Variants in SEMA4F observed in about 807,000 individuals in gnomAD.
SEMA4F encodes the protein semaphorin-4F.
SEMA4F carries 51 observed loss-of-function variants against 78.4 expected under a neutral mutation model. That is an observed-to-expected ratio of 0.65 (90% confidence interval 0.52 to 0.82). The LOEUF is 0.82. Ranked by LOEUF, SEMA4F falls within the 40% of genes least tolerant of loss-of-function variation. The probability of loss-of-function intolerance (pLI) is 0.00; values close to 1 mark genes in which losing one functional copy is unlikely to be tolerated. For synonymous variants in SEMA4F, 418 were observed against 408.7 expected (o/e 1.02, Z -0.27); for missense variants, 938 against 1,014.4 (o/e 0.92, Z 1.02).
intron 5 of SEMA4F, among the ~76,000 whole-genome samples, chr2:74,672,003 G>A (rs1332558875): frequency 6.6e-6 from 1 of 152,166 alleles, no homozygotes; most frequent in South Asian, 2.1e-4. Context: ...TGCCTGGACT[G>A]TATGAATAGC....
chr2:74,675,981 A>G, intron 12 of SEMA4F, 72 bp downstream of exon 12: 1 of 1,495,460 alleles, frequency 6.7e-7, no homozygotes, highest in Non-Finnish European at 9.0e-7. Context: ...TACGTTTCTC[A>G]TCTGTTAATG....
the SEMA4F span, among the ~76,000 whole-genome samples, chr2:74,696,185 CTTTTTTTTTTT>C: frequency 9.2e-6 from 1 of 109,016 alleles, no homozygotes; most frequent in Admixed American, 9.7e-5. Context: ...TCTCCTGCCT[CTTTTTTTTTTT>C]TTTTTTTTTT....
chr2:74,675,204 C>T lies in SEMA4F; in HGVS notation c.1192C>T (p.Leu398Phe), dbSNP rs763943914. ...GAAGCTCCGGCACTTTGGCTCATCT[C>T]TCTCCCTGCCTGACCGCGTACTCAC... Reference protein sequence around the residue: ...NMKLRHFGSSLSLPDRVLTFI... With the variant: ...NMKLRHFGSSFSLPDRVLTFI... Residue 398 changes from leucine (L) to phenylalanine (F), a missense_variant, in exon 10 of 14, where the codon CTC (leucine) becomes TTC (phenylalanine). Coordinates refer to ENST00000357877, the MANE Select transcript of SEMA4F (RefSeq NM_004263.5). The T allele has an allele frequency of 1.2e-6, 2 of 1,614,208 alleles. No individual in the cohort carries two copies. Among genetic ancestry groups the T allele is most frequent in the East Asian group, 2.2e-5 (1 of 44,882 alleles).
At chr2:74,656,815 T>G in intron 2 of SEMA4F, 130 bp downstream of exon 2, 2 of 859,108 alleles carry the variant, frequency 2.3e-6, no homozygotes, top group South Asian at 1.7e-5. Context: ...GGGGGTGAGT[T>G]GGGAGACATG....
Position 74,675,653 on chromosome 2 carries a change from A to C in SEMA4F, c.1482+19A>C, listed in dbSNP as rs369147810. The C allele has an allele frequency of 1.9e-6, 3 of 1,613,148 alleles. No individual in the cohort carries two copies. The African/African-American group carries it at 4.0e-5, about 22-fold the overall frequency. ...GTACCACGTGAGTTGTAGATTTTGG[A>C]GAGTCTATTGGGGAGACATCTGAGT... On this transcript the variant is annotated intron_variant, in intron 11 of 13. Coordinates refer to ENST00000357877, the MANE Select transcript of SEMA4F (RefSeq NM_004263.5).
At position 74,671,003 on chromosome 2, in the gene SEMA4F, T is replaced by C. The variant is rs115159853; in HGVS notation, c.551-2454T>C. 3.2e-3 allele frequency among the ~76,000 whole-genome samples: 444 copies of C among 138,058 alleles called. 4 individuals are homozygous for C. The highest frequency in any genetic ancestry group is 0.015 in the African/African-American group (427 of 28,390). The allele number at this position is 138,058 out of a possible 152,430, so 90.6% of individuals were successfully genotyped here. ...CCTTAGCTAGGTCTCTTTGTTTATC[T>C]TATTTAACCCTTAGCACTATTCTGA... On this transcript the variant is annotated intron_variant, in intron 5 of 13. Transcript: ENST00000357877.
intron 4 of SEMA4F, among the ~76,000 whole-genome samples, chr2:74,660,430 C>G (rs1487502730): frequency 1.3e-5 from 2 of 152,206 alleles, no homozygotes; most frequent in Admixed American, 1.3e-4. Flanking sequence ...TGGGAAAGGT[C>G]CTTCCTATGC....
At chr2:74,661,840 C>T (rs896421154) in intron 4 of SEMA4F, among the ~76,000 whole-genome samples, 3 of 152,188 alleles carry the variant, frequency 2.0e-5, no homozygotes, top group African/African-American at 4.8e-5. Context: ...TCCAATGACA[C>T]CATATGCCCA....
chr2:74,704,692 C>T, the SEMA4F span, among the ~76,000 whole-genome samples: 6 of 152,058 alleles, frequency 3.9e-5, no homozygotes, highest in Non-Finnish European at 7.4e-5. Context: ...CCTACCAATG[C>T]GGGCTGGATT....
In SEMA4F at chr2:74,658,287, A is replaced by G. The variant is rs1272618652; in HGVS notation, c.456+336A>G. ...GAGAGACTTCAGAAACCAGAAACTC[A>G]TGTTTCCCTTGCCCTGTGTATGCTT... On this transcript the variant is annotated intron_variant, in intron 4 of 13. Transcript: ENST00000357877. The surrounding 1 kb of genome is among the most constrained non-coding windows in gnomAD (Gnocchi z 4.3). Among the ~76,000 whole-genome samples the G allele has an allele frequency of 1.3e-5, 2 of 152,184 alleles. No homozygotes were observed. The highest frequency in any genetic ancestry group is 2.1e-4 in the South Asian group (1 of 4,832).
chr2:74,654,342 G>A lies in SEMA4F; in HGVS notation c.-35G>A. The stretch of plus-strand genomic sequence containing the variant: ...CCCGGGGCCCTGAGCAGAGGCCGTA[G>A]CTTGCGCCGCACCCGCGGCCAGGCG... On this transcript the variant is annotated 5_prime_UTR_variant, in exon 1 of 14. Coordinates refer to ENST00000357877, the MANE Select transcript of SEMA4F (RefSeq NM_004263.5). The A allele has an allele frequency of 1.4e-6, 2 of 1,451,978 alleles. No individual in the cohort carries two copies. The highest frequency in any genetic ancestry group is 9.0e-7 in the Non-Finnish European group (1 of 1,109,924). The allele number at this position is 1,451,978 out of a possible 1,614,324, so 89.9% of individuals were successfully genotyped here.
At chr2:74,671,766 A>G (rs775710119) in intron 5 of SEMA4F, among the ~76,000 whole-genome samples, 7 of 152,088 alleles carry the variant, frequency 4.6e-5, no homozygotes, top group Non-Finnish European at 1.0e-4. Context: ...TGCCTCTTTT[A>G]TGGGCCTTAT....
chr2:74,671,653 T>G lies in SEMA4F; in HGVS notation c.551-1804T>G, dbSNP rs145862509. On this transcript the variant is annotated intron_variant, in intron 5 of 13. Coordinates refer to ENST00000357877, the MANE Select transcript of SEMA4F (RefSeq NM_004263.5). ...TCCCAAGTTGCTGACTCTGGCCCTGTTCCCAGGCTCTTCCCTTAATTGCTT... is the reference window on the plus strand; with the variant it reads ...TCCCAAGTTGCTGACTCTGGCCCTGGTCCCAGGCTCTTCCCTTAATTGCTT... 3.6e-3 allele frequency among the ~76,000 whole-genome samples: 553 copies of G among 152,352 alleles called. 1 individual carries two copies. The highest frequency in any genetic ancestry group is 6.2e-3 in the Non-Finnish European group (425 of 68,030).
chr2:74,654,359 G>A lies in SEMA4F; in HGVS notation c.-18G>A. On this transcript the variant is annotated 5_prime_UTR_variant, in exon 1 of 14. Transcript: ENST00000357877. ...AGGCCGTAGCTTGCGCCGCACCCGC[G>A]GCCAGGCGGAGCCAAAGATGCCGGC... 2.0e-6 allele frequency: 3 copies of A among 1,475,110 alleles called. No individual in the cohort carries two copies. Among genetic ancestry groups the A allele is most frequent in the Non-Finnish European group, 2.7e-6 (3 of 1,120,448 alleles). The allele number at this position is 1,475,110 out of a possible 1,614,324, so 91.4% of individuals were successfully genotyped here.
chr2:74,673,845 G>C lies in SEMA4F; in HGVS notation c.822+17G>C, dbSNP rs371511590. 1.2e-6 allele frequency: 2 copies of C among 1,607,930 alleles called. No individual in the cohort carries two copies. The highest frequency in any genetic ancestry group is 1.7e-6 in the Non-Finnish European group (2 of 1,176,452). On this transcript the variant is annotated intron_variant, in intron 7 of 13. Coordinates refer to ENST00000357877, the MANE Select transcript of SEMA4F (RefSeq NM_004263.5). The stretch of plus-strand genomic sequence containing the variant: ...GTGTGTGCGGTGAGACCCCATCCCA[G>C]CTGTCTGTCTGTCATCTCCTGCTCT...
chr2:74,676,923 A>G (rs1685321211), intron 12 of SEMA4F, among the ~76,000 whole-genome samples: 2 of 152,112 alleles, frequency 1.3e-5, no homozygotes, highest in South Asian at 4.2e-4. Flanking sequence ...TGTTTTTGAG[A>G]TGGAGTCTCA....
the SEMA4F span, among the ~76,000 whole-genome samples, chr2:74,700,323 G>C: frequency 6.6e-6 from 1 of 152,098 alleles, no homozygotes; most frequent in African/African-American, 2.4e-5. Flanking sequence ...AGCAATGGTA[G>C]AGTAAGGGTC....
intron 4 of SEMA4F, among the ~76,000 whole-genome samples, chr2:74,660,109 T>C (rs1684354095): frequency 6.6e-6 from 1 of 152,234 alleles, no homozygotes. Flanking sequence ...AGACTTGGTA[T>C]TAGGTACTTT....
At chr2:74,654,891 C>T (rs1206165294) in intron 1 of SEMA4F, among the ~76,000 whole-genome samples, 5 of 152,226 alleles carry the variant, frequency 3.3e-5, no homozygotes, top group African/African-American at 1.2e-4. Context: ...TTCGAAGTTC[C>T]GTCTCCCTTA....
Sources: allele counts gnomAD v4.1 joint callset (sites outside exome capture counted in the v4.1 genomes callset), GRCh38; gene constraint gnomAD v4.1.1; non-coding constraint Gnocchi (gnomAD v3.1); transcripts MANE v1.5; gene names NCBI Gene and HGNC (gene_info 2026-07-23, HGNC 2026-07-21).